ZNF469: variants seen among roughly 807,000 people sequenced by gnomAD.
The protein encoded by ZNF469 is zinc finger protein 469.
ZNF469 carries 1 observed loss-of-function variant against 1.0 expected under a neutral mutation model. The ratio of observed to expected loss-of-function variants is 1.00; its 90% confidence interval spans 0.35 to 4.73. ZNF469 has a LOEUF of 4.73. Ranked by LOEUF, ZNF469 falls within the 30% of genes most tolerant of loss-of-function variation. The pLI, the probability that ZNF469 is intolerant of heterozygous loss-of-function variation, is 0.16. For synonymous variants in ZNF469, 2,703 were observed against 2,363.4 expected (o/e 1.14, Z -4.17); for missense variants, 6,100 against 5,356.3 (o/e 1.14, Z -4.33).
the ZNF469 span, among the ~76,000 whole-genome samples, chr16:88,340,343 T>C: frequency 6.6e-6 from 1 of 152,112 alleles, no homozygotes; most frequent in Non-Finnish European, 1.5e-5. Context: ...ACAGGTATAA[T>C]GGACCAGGTA....
At chr16:88,356,034 A>C in the ZNF469 span, among the ~76,000 whole-genome samples, 76 of 152,280 alleles carry the variant, frequency 5.0e-4, no homozygotes, top group African/African-American at 1.7e-3. Flanking sequence ...GGACCCTAGA[A>C]GCTGGCACCA....
chr16:88,248,614 G>A, the ZNF469 span, among the ~76,000 whole-genome samples: 2 of 152,218 alleles, frequency 1.3e-5, no homozygotes, highest in Non-Finnish European at 2.9e-5. Context: ...TACCATGAGA[G>A]AGGAAGATGG....
chr16:88,148,642 A>G, the ZNF469 span, among the ~76,000 whole-genome samples: 2 of 152,106 alleles, frequency 1.3e-5, no homozygotes, highest in African/African-American at 2.4e-5. Context: ...CCCTTCCAGA[A>G]GCTGTCAGTG....
At chr16:88,377,069 C>T in the ZNF469 span, among the ~76,000 whole-genome samples, 126 of 152,368 alleles carry the variant, frequency 8.3e-4, no homozygotes, top group Non-Finnish European at 1.6e-3. Flanking sequence ...GAGGGACTTG[C>T]CAGAGCTGGA....
At chr16:88,370,294 G>T in the ZNF469 span, among the ~76,000 whole-genome samples, 1 of 152,194 alleles carries the variant, frequency 6.6e-6, no homozygotes, top group African/African-American at 2.4e-5. Context: ...TGCCTGTTGT[G>T]GGCATTTGTG....
chr16:88,340,336 G>A, the ZNF469 span, among the ~76,000 whole-genome samples: 2 of 152,240 alleles, frequency 1.3e-5, no homozygotes, highest in Admixed American at 1.3e-4. Flanking sequence ...GACATGAACA[G>A]GTATAATGGA....
At position 88,433,854 on chromosome 16, in the gene ZNF469, GC is replaced by G. The variant is rs1906375078; in HGVS notation, c.6388del (p.Leu2130CysfsTer70). ...CCGCCCACATGCCCTGCAGCCTTGG[GC>G]CCCTGCCCCGTGAAGACCCACTTAC... ...SAAHMPCSLGPLPREDPLTSP... is the reference protein window; with the variant it reads ...SAAHMPCSLGXLPREDPLTSP... On this transcript the variant is annotated frameshift_variant, in exon 3 of 3. Coordinates refer to ENST00000565624, the MANE Select transcript of ZNF469 (RefSeq NM_001367624.2). LOFTEE classifies it low-confidence loss of function (END_TRUNC). 6.5e-7 allele frequency: 1 copy of G among 1,549,418 alleles called. No individual in the cohort carries two copies. The highest frequency in any genetic ancestry group is 8.7e-7 in the Non-Finnish European group (1 of 1,146,496).
At chr16:88,117,665 G>C in the ZNF469 span, among the ~76,000 whole-genome samples, 2 of 152,240 alleles carry the variant, frequency 1.3e-5, no homozygotes, top group Non-Finnish European at 2.9e-5. Context: ...TTCACAAACC[G>C]TGGAGGTGCC....
At chr16:88,108,744 C>T in the ZNF469 span, among the ~76,000 whole-genome samples, 19 of 152,338 alleles carry the variant, frequency 1.2e-4, no homozygotes, top group Middle Eastern at 3.4e-3. Context: ...CATGTGTTTG[C>T]TGAGGCTAGG....
At chr16:88,256,831 TCTTC>T in the ZNF469 span, among the ~76,000 whole-genome samples, 7 of 145,222 alleles carry the variant, frequency 4.8e-5, no homozygotes, top group African/African-American at 1.3e-4. Context: ...CTCTTTTCTT[TCTTC>T]CTTCCTTCCT....
chr16:88,271,745 A>C, the ZNF469 span, among the ~76,000 whole-genome samples: 1 of 151,842 alleles, frequency 6.6e-6, no homozygotes, highest in Non-Finnish European at 1.5e-5. Flanking sequence ...CAAGAACTCA[A>C]CAGAGTTGGG....
chr16:88,263,516 C>T, the ZNF469 span, among the ~76,000 whole-genome samples: 10 of 152,260 alleles, frequency 6.6e-5, no homozygotes, highest in East Asian at 1.5e-3. Context: ...GAGGGGCAGG[C>T]GTGTGGGCCA....
In ZNF469 at chr16:88,429,521, G is replaced by C; in HGVS notation, c.2051G>C (p.Cys684Ser). The change falls in exon 3 of 3, where the codon TGC becomes TCC. Residue 684 changes from cysteine to serine, a missense_variant. Physicochemically the swap from Cys to Ser is moderately radical, Grantham distance 112. Coordinates refer to ENST00000565624, the MANE Select transcript of ZNF469 (RefSeq NM_001367624.2). ...DGLGAEGAFQCLEETPFPHEG... is the reference protein window; with the variant it reads ...DGLGAEGAFQSLEETPFPHEG... ...CTGGGAGCCGAGGGTGCCTTCCAGT[G>C]CCTGGAGGAGACCCCATTCCCCCAC... is the stretch of plus-strand genomic sequence containing the variant. The C allele has an allele frequency of 6.5e-7, 1 of 1,550,016 alleles. No individual in the cohort carries two copies. Among genetic ancestry groups the C allele is most frequent in the Non-Finnish European group, 8.7e-7 (1 of 1,146,834 alleles).
chr16:88,317,684 C>G, the ZNF469 span, among the ~76,000 whole-genome samples: 1 of 152,236 alleles, frequency 6.6e-6, no homozygotes, highest in Non-Finnish European at 1.5e-5. Flanking sequence ...GGCTTCCAGC[C>G]ACAACTGTCC....
chr16:88,247,080 TGAATGACTGAGTGAAC>T, the ZNF469 span, among the ~76,000 whole-genome samples: 49 of 150,114 alleles, frequency 3.3e-4, no homozygotes, highest in African/African-American at 1.2e-3. Flanking sequence ...ACTGAGTGAG[TGAATGACTGAGTGAAC>T]GAGTGAGTGA....
chr16:88,434,948 G>T lies in ZNF469; in HGVS notation c.7478G>T (p.Arg2493Met), dbSNP rs982705051. 6.5e-7 allele frequency: 1 copy of T among 1,549,876 alleles called. No individual in the cohort carries two copies. Among genetic ancestry groups the T allele is most frequent in the African/African-American group, 1.4e-5 (1 of 73,066 alleles). ...CCGGGCCTGAGCCGGCACAAGGCCA[G>T]GAAGCACCGGCCACACCCGGGAGCC... ...SGPGLSRHKA[R>M]KHRPHPGAPA... is the part of the protein sequence containing the mutation. Residue 2493 changes from arginine to methionine, a missense_variant, in exon 3 of 3, where the codon AGG becomes ATG. Physicochemically the swap from Arg to Met is moderately conservative, Grantham distance 91. Coordinates refer to ENST00000565624, the MANE Select transcript of ZNF469 (RefSeq NM_001367624.2).
At chr16:88,344,185 G>T in the ZNF469 span, among the ~76,000 whole-genome samples, 2 of 149,600 alleles carry the variant, frequency 1.3e-5, no homozygotes, top group South Asian at 4.3e-4. Flanking sequence ...CGGCCCAGAG[G>T]AGCCGAAGGA....
chr16:88,216,153 C>G, the ZNF469 span, among the ~76,000 whole-genome samples: 1 of 151,938 alleles, frequency 6.6e-6, no homozygotes, highest in Non-Finnish European at 1.5e-5. Context: ...ATGATTTTCG[C>G]TAGGCATATA....
chr16:88,429,930 G>A lies in ZNF469; in HGVS notation c.2460G>A (p.Leu820=). 1 of 1,550,288 alleles carries A rather than the reference G, an allele frequency of 6.5e-7. No individual in the cohort carries two copies. Among genetic ancestry groups the A allele is most frequent in the Non-Finnish European group, 8.7e-7 (1 of 1,146,928 alleles). Residue 820 remains leucine (L), a synonymous_variant, in exon 3 of 3, where the codon CTG becomes CTA. Coordinates refer to ENST00000565624, the MANE Select transcript of ZNF469 (RefSeq NM_001367624.2). ...TGAGGACAGGCTTCCTGCCCAGCCT[G>A]GCCGCCACCCCCTTCCCGCTCCCTG... ...DPLRTGFLPS[L]AATPFPLPAS... is the part of the protein sequence containing the mutation.
Sources: gnomAD v4.1 joint callset for allele counts (sites outside exome capture counted in the v4.1 genomes callset) on GRCh38, gnomAD v4.1.1 for gene constraint, MANE v1.5 for transcripts, NCBI Gene and HGNC (gene_info 2026-07-23, HGNC 2026-07-21) for gene names.